RNF150: variants seen among roughly 807,000 people sequenced by gnomAD.
RNF150 encodes the protein ring finger protein 150.
In RNF150, 24 loss-of-function variants were observed where a neutral mutation model predicts 39.3. The ratio of observed to expected loss-of-function variants is 0.61; its 90% CI spans 0.44 to 0.86. RNF150 has a LOEUF of 0.86. Among genes scored for constraint, RNF150 ranks in the 40% least tolerant of loss-of-function variants. The pLI, the probability that RNF150 is intolerant of heterozygous loss-of-function variation, is 0.00. For missense variants in RNF150, 502 were observed against 587.8 expected, an observed-to-expected ratio of 0.85 and a Z score of 1.51; for synonymous variants, 255 against 227.3, an observed-to-expected ratio of 1.12 and a Z score of -1.10.
intron 1 of RNF150, among the ~76,000 whole-genome samples, chr4:140,999,993 A>AGAAGAGG (rs1414434256): frequency 1.6e-5 from 1 of 63,306 alleles, no homozygotes; most frequent in Non-Finnish European, 3.5e-5. Flanking sequence ...GAAAAGAAGA[A>AGAAGAGG]AAGAAGAAGA....
chr4:141,146,353 T>C (rs931322904), intron 1 of RNF150, among the ~76,000 whole-genome samples: 8 of 152,218 alleles, frequency 5.3e-5, no homozygotes, highest in Non-Finnish European at 7.3e-5. Flanking sequence ...AGTAAGAATA[T>C]TCACAAGAGA....
chr4:140,869,061 A>G (rs1728828690), intron 6 of RNF150, among the ~76,000 whole-genome samples: 1 of 152,206 alleles, frequency 6.6e-6, no homozygotes, highest in African/African-American at 2.4e-5. Flanking sequence ...TTTCATTTCC[A>G]GGATGTATTA....
At chr4:140,913,665 A>G (rs1361820024) in intron 5 of RNF150, among the ~76,000 whole-genome samples, 1 of 152,156 alleles carries the variant, frequency 6.6e-6, no homozygotes, top group African/African-American at 2.4e-5. Flanking sequence ...GCTATTGTTA[A>G]TGTGCTGATC....
intron 1 of RNF150, among the ~76,000 whole-genome samples, chr4:141,030,700 G>T (rs1484742547): frequency 6.6e-6 from 1 of 152,072 alleles, no homozygotes; most frequent in Admixed American, 6.6e-5. Flanking sequence ...TACTAAATAA[G>T]ATAGTCACAA....
intron 1 of RNF150, among the ~76,000 whole-genome samples, chr4:141,162,620 G>T (rs1727534773): frequency 6.6e-6 from 1 of 152,062 alleles, no homozygotes; most frequent in South Asian, 2.1e-4. Flanking sequence ...TCATCCCATT[G>T]GGACTGGTTA....
chr4:141,091,620 G>A (rs1000924645), intron 1 of RNF150, among the ~76,000 whole-genome samples: 5 of 152,268 alleles, frequency 3.3e-5, no homozygotes, highest in Admixed American at 2.0e-4. Flanking sequence ...ATAACCACTG[G>A]ACCGGTACAC....
intron 5 of RNF150, among the ~76,000 whole-genome samples, chr4:140,919,365 C>A (rs79781532): frequency 0.48 from 55,162 of 115,096 alleles, 14,571 homozygotes; most frequent in East Asian, 0.87. Flanking sequence ...AATGTACAAA[C>A]ATCACAAGCA....
rs898756088 is a variant in RNF150, at chr4:141,133,060, G to A, written c.-252C>T. 4.8e-6 allele frequency: 2 copies of A among 413,274 alleles called. No individual in the cohort carries two copies. The highest frequency in any genetic ancestry group is 8.7e-6 in the Non-Finnish European group (2 of 230,422). 25.6% of individuals were successfully genotyped at this position (413,274 alleles called of 1,614,324 possible). A position where few individuals can be genotyped will look rare whatever the true frequency, so the allele number is the denominator to read the frequency against. On this transcript the variant is annotated 5_prime_UTR_variant, in exon 1 of 7. Coordinates refer to ENST00000515673, the MANE Select transcript of RNF150 (RefSeq NM_020724.2). ...CTTCTTGGGCGCCCGGGGGGCGCGG[G>A]AACAGAGGGCCCGCGGGGCTTGCGG... is the stretch of plus-strand genomic sequence containing the variant.
At chr4:141,199,930 T>A (rs769739279) in intron 1 of RNF150, among the ~76,000 whole-genome samples, 5 of 152,168 alleles carry the variant, frequency 3.3e-5, no homozygotes, top group Non-Finnish European at 7.3e-5. Context: ...TTATAGTGGG[T>A]AAATAAAAGT....
intron 4 of RNF150, among the ~76,000 whole-genome samples, chr4:140,942,923 C>T (rs967418721): frequency 1.5e-4 from 23 of 152,308 alleles, no homozygotes; most frequent in Non-Finnish European, 2.5e-4. Context: ...TGCCCCTACG[C>T]GCCACATAAT....
chr4:141,071,412 A>C (rs1453863759), intron 1 of RNF150, among the ~76,000 whole-genome samples: 1 of 149,358 alleles, frequency 6.7e-6, no homozygotes, highest in African/African-American at 2.5e-5. Flanking sequence ...AAAATTGGGT[A>C]GTATTTCCAG....
chr4:140,958,889 A>G (rs1407815999), intron 2 of RNF150, among the ~76,000 whole-genome samples: 1 of 152,130 alleles, frequency 6.6e-6, no homozygotes, highest in African/African-American at 2.4e-5. Context: ...TATTTTTTGT[A>G]ATCATTATAG....
intron 1 of RNF150, among the ~76,000 whole-genome samples, chr4:141,188,671 G>T (rs1560773233): frequency 6.6e-6 from 1 of 152,058 alleles, no homozygotes; most frequent in Non-Finnish European, 1.5e-5. Context: ...CTTCACGAAG[G>T]TCTCATGCTG....
chr4:141,146,343 A>C (rs766792700), intron 1 of RNF150, among the ~76,000 whole-genome samples: 58 of 152,320 alleles, frequency 3.8e-4, no homozygotes, highest in Non-Finnish European at 6.9e-4. Context: ...CCTATCTTCC[A>C]GTAAGAATAT....
chr4:141,024,551 T>A (rs1028855036), intron 1 of RNF150, among the ~76,000 whole-genome samples: 1 of 151,924 alleles, frequency 6.6e-6, no homozygotes, highest in Non-Finnish European at 1.5e-5. Context: ...AATACAAAAT[T>A]AAAAACAAAA....
At chr4:140,933,317 A>T (rs1017755903) in intron 4 of RNF150, among the ~76,000 whole-genome samples, 5 of 152,190 alleles carry the variant, frequency 3.3e-5, no homozygotes, top group Non-Finnish European at 7.3e-5. Flanking sequence ...AAAAGAAGGG[A>T]TTTACATAAC....
Position 140,862,361 on chromosome 4 carries a change from T to G in RNF150, c.*5900A>C, listed in dbSNP as rs1728524195. ...ACAGAATTAGAAGATCTTTGATCAC[T>G]GAAATTCCTGAAAAAGCCACGTGAT... On this transcript the variant is annotated 3_prime_UTR_variant, in exon 7 of 7. Coordinates refer to ENST00000515673, the MANE Select transcript of RNF150 (RefSeq NM_020724.2). 1 of 152,242 alleles carries G rather than the reference T, an allele frequency of 6.6e-6. No homozygotes were observed. The highest frequency in any genetic ancestry group is 2.4e-5 in the African/African-American group (1 of 41,464). The allele number at this position is 152,242 out of a possible 1,614,324, so 9.4% of individuals were successfully genotyped here.
intron 1 of RNF150, among the ~76,000 whole-genome samples, chr4:141,197,292 T>C (rs1728216488): frequency 6.6e-6 from 1 of 152,206 alleles, no homozygotes. Context: ...ACAAATTTAG[T>C]TTTACATGTT....
intron 6 of RNF150, among the ~76,000 whole-genome samples, chr4:140,906,408 G>T (rs569106090): frequency 1.2e-4 from 19 of 152,064 alleles, no homozygotes; most frequent in Non-Finnish European, 2.2e-4. Flanking sequence ...ATCTAGAGGT[G>T]ATTTAAAAGT....
Sources: gnomAD v4.1 joint callset for allele counts (sites outside exome capture counted in the v4.1 genomes callset) on GRCh38, gnomAD v4.1.1 for gene constraint, MANE v1.5 for transcripts, NCBI Gene and HGNC (gene_info 2026-07-23, HGNC 2026-07-21) for gene names.